The following TPTE2 variants were observed in gnomAD, a reference collection of about 807,000 sequenced individuals.
TPTE2 encodes the protein phosphatidylinositol 3,4,5-trisphosphate 3-phosphatase TPTE2.
A neutral mutation model predicts 78.6 loss-of-function variants in TPTE2; 53 were observed. The observed-to-expected ratio is 0.67, with a 90% confidence interval of 0.54 to 0.85. TPTE2 has a LOEUF of 0.85. TPTE2 is among the 40% of genes least tolerant of loss of function. The probability of loss-of-function intolerance (pLI) is 0.00; values close to 1 mark genes in which losing one functional copy is unlikely to be tolerated. For synonymous variants in TPTE2, 175 were observed against 206.2 expected (o/e 0.85, Z 1.30); for missense variants, 461 against 623.0 (o/e 0.74, Z 2.77).
At chr13:19,559,343 G>C in the TPTE2 span, among the ~76,000 whole-genome samples, 1 of 152,152 alleles carries the variant, frequency 6.6e-6, no homozygotes, top group Non-Finnish European at 1.5e-5. Context: ...TACAGCCAAG[G>C]GCTCTGGGCC....
At chr13:19,436,701 C>T (rs1210149946) in intron 14 of TPTE2, among the ~76,000 whole-genome samples, 2 of 152,188 alleles carry the variant, frequency 1.3e-5, no homozygotes, top group East Asian at 3.9e-4. Flanking sequence ...AGGCATGAGC[C>T]ACCCATGCCC....
chr13:19,518,614 TAGAG>T (rs1205313858), intron 1 of TPTE2, among the ~76,000 whole-genome samples: 1 of 152,266 alleles, frequency 6.6e-6, no homozygotes, highest in African/African-American at 2.4e-5. Context: ...TTGACAAAGA[TAGAG>T]AGAAACTGAA....
chr13:19,443,605 T>A (rs932386100), intron 13 of TPTE2, among the ~76,000 whole-genome samples: 1 of 152,102 alleles, frequency 6.6e-6, no homozygotes, highest in African/African-American at 2.4e-5. Flanking sequence ...GGTTTCACCA[T>A]GTTGCCTAGG....
chr13:19,431,269 T>C (rs928857678), intron 16 of TPTE2, among the ~76,000 whole-genome samples: 2 of 152,188 alleles, frequency 1.3e-5, no homozygotes, highest in African/African-American at 4.8e-5. Context: ...ACTTTGGCCC[T>C]ACTTTAAGGC....
chr13:19,459,630 C>T (rs1339801508), intron 10 of TPTE2, among the ~76,000 whole-genome samples: 2 of 152,190 alleles, frequency 1.3e-5, no homozygotes, highest in Non-Finnish European at 2.9e-5. Context: ...CTGCCCCTCC[C>T]GCCAGGAGCT....
rs1357559344 is a variant in TPTE2 at position 19,497,589 on chromosome 13, C to G, written c.12-4088G>C. Among the ~76,000 whole-genome samples, 5 of 81,196 alleles carry G rather than the reference C, an allele frequency of 6.2e-5. 1 individual carries two copies. The highest frequency in any genetic ancestry group is 2.9e-4 in the Admixed American group (2 of 6,822). 53.3% of individuals were successfully genotyped at this position (81,196 alleles called of 152,430 possible). A position where few individuals can be genotyped will look rare whatever the true frequency, so the allele number is the denominator to read the frequency against. On this transcript the variant is annotated intron_variant, in intron 1 of 19. Coordinates refer to ENST00000400230, the Ensembl canonical transcript of TPTE2. ...TTCCAACAGACCTGCAGCTGAGGGT[C>G]CTGTCTGTTAGAAAGAAAACTAACA...
intron 10 of TPTE2, among the ~76,000 whole-genome samples, chr13:19,459,631 G>T (rs551828987): frequency 6.6e-6 from 1 of 152,144 alleles, no homozygotes; most frequent in African/African-American, 2.4e-5. Context: ...TGCCCCTCCC[G>T]CCAGGAGCTC....
chr13:19,498,324 G>A (rs1881522444), intron 1 of TPTE2, among the ~76,000 whole-genome samples: 1 of 151,418 alleles, frequency 6.6e-6, no homozygotes, highest in Non-Finnish European at 1.5e-5. Flanking sequence ...CTCGAGAAGA[G>A]CAACTCCAAG....
At chr13:19,450,025 T>G in intron 13 of TPTE2, 51 bp downstream of exon 16, 1 of 1,592,994 alleles carries the variant, frequency 6.3e-7, no homozygotes, top group Non-Finnish European at 8.5e-7. Context: ...CTACTTTATC[T>G]ATATTTACAT....
intron 1 of TPTE2, among the ~76,000 whole-genome samples, chr13:19,533,734 G>A (rs945079702): frequency 1.3e-5 from 2 of 152,176 alleles, no homozygotes; most frequent in African/African-American, 4.8e-5. Flanking sequence ...TGTCATGGCA[G>A]GGATTTGAAC....
chr13:19,438,957 G>A (rs1234568720), intron 13 of TPTE2, among the ~76,000 whole-genome samples: 3 of 152,160 alleles, frequency 2.0e-5, no homozygotes, highest in African/African-American at 7.2e-5. Flanking sequence ...CCCGGGCAGA[G>A]GAAGAGATTG....
the TPTE2 span, among the ~76,000 whole-genome samples, chr13:19,546,193 A>G: frequency 6.6e-6 from 1 of 151,830 alleles, no homozygotes; most frequent in Admixed American, 6.6e-5. Flanking sequence ...GTGACACCAC[A>G]CCTCTTAAAA....
chr13:19,536,363 T>C lies in TPTE2; in HGVS notation c.-44+233A>G, dbSNP rs144370472. 4.5e-3 allele frequency among the ~76,000 whole-genome samples: 680 copies of C among 152,250 alleles called. 4 individuals are homozygous for C. Among genetic ancestry groups the C allele is most frequent in the African/African-American group, 0.016 (654 of 41,548 alleles). On this transcript the variant is annotated intron_variant, in intron 1 of 17. Transcript: ENST00000390680. ...TAATATAGTCATCATATAATGAGTA[T>C]AACATGAAAGCATGAGGAAATGACC... is the stretch of plus-strand genomic sequence containing the variant.
chr13:19,519,852 G>A (rs1870043818), intron 1 of TPTE2, among the ~76,000 whole-genome samples: 1 of 152,138 alleles, frequency 6.6e-6, no homozygotes, highest in South Asian at 2.1e-4. Flanking sequence ...AGTTGAATAT[G>A]TAGATCAATT....
At chr13:19,508,088 G>T (rs1593408519), upstream of TPTE2, among the ~76,000 whole-genome samples, 1 of 152,152 alleles carries the variant, frequency 6.6e-6, no homozygotes, top group African/African-American at 2.4e-5. Context: ...TACTGACAAT[G>T]ACACGGCTTA....
chr13:19,523,761 A>G (rs1195680284), intron 1 of TPTE2, among the ~76,000 whole-genome samples: 1 of 152,176 alleles, frequency 6.6e-6, no homozygotes, highest in Non-Finnish European at 1.5e-5. Flanking sequence ...ATGAGCTACC[A>G]TGCCCAGCCC....
intron 1 of TPTE2, among the ~76,000 whole-genome samples, chr13:19,526,851 G>A (rs1201324033): frequency 6.6e-6 from 1 of 152,054 alleles, no homozygotes; most frequent in Non-Finnish European, 1.5e-5. Context: ...TATCAAAATG[G>A]TTAATATTGA....
chr13:19,453,002 T>TTTATG (rs1878285542), intron 10 of TPTE2, among the ~76,000 whole-genome samples: 1 of 86,280 alleles, frequency 1.2e-5, no homozygotes, highest in African/African-American at 5.0e-5. Context: ...TTTATTTTAT[T>TTTATG]TTATTTTATG....
At chr13:19,537,217 G>A (rs1171520862), upstream of TPTE2, among the ~76,000 whole-genome samples, 1 of 151,126 alleles carries the variant, frequency 6.6e-6, no homozygotes, top group Non-Finnish European at 1.5e-5. Flanking sequence ...TATTTTGGGG[G>A]GTTGTCTTCT....
Sources: allele counts gnomAD v4.1 joint callset (sites outside exome capture counted in the v4.1 genomes callset), GRCh38; gene constraint gnomAD v4.1.1; transcripts MANE v1.5; gene names NCBI Gene and HGNC (gene_info 2026-07-23, HGNC 2026-07-21).